Variants in CDH26 observed in about 807,000 individuals in gnomAD.
CDH26 encodes cadherin 26.
In CDH26, 83 loss-of-function variants were observed where a neutral mutation model predicts 90.3. The ratio of observed to expected loss-of-function variants is 0.92; its 90% CI spans 0.77 to 1.10. The LOEUF (loss-of-function observed/expected upper bound fraction) is 1.10, where lower values mean the gene tolerates loss of function less well. CDH26 is among the 50% of genes least tolerant of loss of function. CDH26 has a pLI of 0.00. For synonymous variants in CDH26, 397 were observed against 396.3 expected (o/e 1.00, Z -0.02); for missense variants, 1,013 against 1,037.6 (o/e 0.98, Z 0.33).
rs750689246 is a variant in CDH26, at chr20:59,970,189, A to G, written c.231+3A>G. The stretch of plus-strand genomic sequence containing the variant: ...CCTTTCCCAAACTCATTGGTGAGGT[A>G]AGGTGCCTACTCTTAAGGAATGACC... On this transcript the variant is annotated splice_donor_region_variant and intron_variant, in intron 3 of 17. Coordinates refer to ENST00000348616, the MANE Select transcript of CDH26 (RefSeq NM_177980.4). 2 of 1,613,610 alleles carry G rather than the reference A, an allele frequency of 1.2e-6. No homozygotes were observed. Among genetic ancestry groups the G allele is most frequent in the South Asian group, 1.1e-5 (1 of 91,058 alleles).
At chr20:59,989,310 T>G (rs902236427) in intron 9 of CDH26, 147 bp downstream of exon 9, 1 of 986,728 alleles carries the variant, frequency 1.0e-6, no homozygotes, top group Non-Finnish European at 1.5e-6. Context: ...GGGTGGATCA[T>G]GAGGTCAAGA....
chr20:59,978,500 C>A (rs543170008), intron 4 of CDH26, among the ~76,000 whole-genome samples: 154 of 151,848 alleles, frequency 1.0e-3, no homozygotes, highest in African/African-American at 3.4e-3. Context: ...CTCAGCCTCC[C>A]GAGTAGTGGG....
rs542589860 is a variant in CDH26, at chr20:59,973,278, T to G, written c.393+1155T>G. On this transcript the variant is annotated intron_variant, in intron 4 of 17. Coordinates refer to ENST00000348616, the MANE Select transcript of CDH26 (RefSeq NM_177980.4). The stretch of plus-strand genomic sequence containing the variant: ...GTTCCTCGGGCTTCCACACATTGAG[T>G]AGGGAGGACCTAGTGATGATCATGG... Among the ~76,000 whole-genome samples the G allele has an allele frequency of 2.1e-4, 32 of 152,150 alleles. 1 individual carries two copies. The highest frequency in any genetic ancestry group is 1.6e-4 in the Non-Finnish European group (11 of 68,032).
chr20:59,994,241 C>T lies in CDH26; in HGVS notation c.1427-9C>T. ...ATAAACAACTCCTGAAACTTCCTCC[C>T]CATACAAGGCTTCCCACCGCAGACT... On this transcript the variant is annotated splice_polypyrimidine_tract_variant and intron_variant, in intron 10 of 17. Coordinates refer to ENST00000348616, the MANE Select transcript of CDH26 (RefSeq NM_177980.4). The T allele has an allele frequency of 6.2e-7, 1 of 1,613,712 alleles. No individual in the cohort carries two copies. The highest frequency in any genetic ancestry group is 8.5e-7 in the Non-Finnish European group (1 of 1,179,900).
intron 7 of CDH26, among the ~76,000 whole-genome samples, chr20:60,021,099 A>G (rs1343761942): frequency 6.6e-6 from 1 of 152,108 alleles, no homozygotes; most frequent in Non-Finnish European, 1.5e-5. Flanking sequence ...AAGCTTAGTT[A>G]TTTATTTGTT....
At chr20:59,997,486 G>A (rs1406233862) in intron 13 of CDH26, among the ~76,000 whole-genome samples, 1 of 152,272 alleles carries the variant, frequency 6.6e-6, no homozygotes, top group African/African-American at 2.4e-5. Flanking sequence ...ACACAAGGCA[G>A]AGCCATATAA....
chr20:59,993,184 GA>G (rs2061549201), intron 10 of CDH26, among the ~76,000 whole-genome samples: 1 of 152,130 alleles, frequency 6.6e-6, no homozygotes, highest in Non-Finnish European at 1.5e-5. Flanking sequence ...TAAGGGAGGA[GA>G]AAAAATGGGG....
At chr20:60,012,255 G>A (rs529313036) in intron 17 of CDH26, among the ~76,000 whole-genome samples, 1 of 152,164 alleles carries the variant, frequency 6.6e-6, no homozygotes, top group African/African-American at 2.4e-5. Flanking sequence ...GCAAGAGGGT[G>A]GGAGCAGGTG....
downstream of CDH26, among the ~76,000 whole-genome samples, chr20:60,014,749 G>T (rs2061890712): frequency 1.3e-5 from 2 of 152,190 alleles, no homozygotes; most frequent in South Asian, 4.1e-4. Context: ...GTGAATAGTG[G>T]TGTAATAAAC....
rs2061884353 is a variant in CDH26 at position 60,014,165 on chromosome 20, A to G, written c.*1435A>G. Reference sequence around the variant, plus strand: ...TTTTAAAACTTTATTATTTCATTTTAAATAATTGACATATAATAATTGTAC... The same window carrying G: ...TTTTAAAACTTTATTATTTCATTTTGAATAATTGACATATAATAATTGTAC... On this transcript the variant is annotated 3_prime_UTR_variant, in exon 18 of 18. Coordinates refer to ENST00000348616, the MANE Select transcript of CDH26 (RefSeq NM_177980.4). 6.6e-6 allele frequency: 1 copy of G among 152,216 alleles called. No individual in the cohort carries two copies. Among genetic ancestry groups the G allele is most frequent in the Admixed American group, 6.5e-5 (1 of 15,278 alleles). The allele number at this position is 152,216 out of a possible 1,614,324, so 9.4% of individuals were successfully genotyped here.
At chr20:60,026,390 T>TAGAGAGAGAGAGAGAGAG (rs60922926) in intron 7 of CDH26, among the ~76,000 whole-genome samples, 40 of 139,358 alleles carry the variant, frequency 2.9e-4, no homozygotes, top group South Asian at 1.7e-3. Context: ...TGGCTGGAGT[T>TAGAGAGAGAGAGAGAGAG]AGAGAGAGAG....
At chr20:59,991,486 G>C (rs1413818067) in intron 9 of CDH26, among the ~76,000 whole-genome samples, 1 of 152,180 alleles carries the variant, frequency 6.6e-6, no homozygotes, top group East Asian at 1.9e-4. Context: ...GAGGAACTCT[G>C]AGTTTCTTCC....
intron 1 of CDH26, among the ~76,000 whole-genome samples, chr20:59,960,556 A>T (rs1044858040): frequency 6.6e-6 from 1 of 152,244 alleles, no homozygotes; most frequent in Admixed American, 6.5e-5. Context: ...AAAACCTTAC[A>T]CAAAAAATAC....
rs3746711 is a variant in CDH26, at chr20:59,996,070, G to T, written c.1888+16G>T. ...GCTCTGGCAGGTCAGTGGTCTGTAG[G>T]GGTGTCCTGGGACTGTGGCTCCTCT... On this transcript the variant is annotated intron_variant, in intron 12 of 17. Transcript: ENST00000348616. The T allele has an allele frequency of 0.15, 241,143 of 1,607,104 alleles. 20,785 individuals carry two copies. The highest frequency in any genetic ancestry group is 0.42 in the East Asian group (18,733 of 44,764).
At chr20:59,976,719 G>A (rs762075445) in intron 4 of CDH26, among the ~76,000 whole-genome samples, 24 of 152,160 alleles carry the variant, frequency 1.6e-4, no homozygotes, top group Non-Finnish European at 7.4e-5. Context: ...CAGTCCTGCT[G>A]TGGGGGAGGA....
intron 7 of CDH26, among the ~76,000 whole-genome samples, chr20:60,025,947 A>G (rs375668579): frequency 6.6e-5 from 10 of 152,330 alleles, no homozygotes; most frequent in Middle Eastern, 3.4e-3. Context: ...AATGCTTTCA[A>G]TCTACCGAAA....
chr20:60,021,867 C>CACACACACACACAT (rs1555903633), intron 7 of CDH26, among the ~76,000 whole-genome samples: 1,702 of 90,352 alleles, frequency 0.019, 134 homozygotes, highest in Non-Finnish European at 0.031. Context: ...CACACACACA[C>CACACACACACACAT]ACACACACAC....
intron 1 of CDH26, among the ~76,000 whole-genome samples, chr20:59,967,900 C>T (rs1247616575): frequency 1.3e-4 from 15 of 118,022 alleles, no homozygotes; most frequent in African/African-American, 6.2e-4. Flanking sequence ...TTCCTTCCTT[C>T]CTTCCTTCCT....
intron 7 of CDH26, among the ~76,000 whole-genome samples, chr20:60,029,816 C>T (rs1380136814): frequency 6.6e-6 from 1 of 152,068 alleles, no homozygotes; most frequent in Non-Finnish European, 1.5e-5. Context: ...GACATGAACT[C>T]ATTCTTTTTT....
Sources: gnomAD v4.1 joint callset for allele counts (sites outside exome capture counted in the v4.1 genomes callset) on GRCh38, gnomAD v4.1.1 for gene constraint, MANE v1.5 for transcripts, NCBI Gene and HGNC (gene_info 2026-07-23, HGNC 2026-07-21) for gene names.